Variants in CFAP97D1 observed in about 807,000 individuals in gnomAD.
The protein encoded by CFAP97D1 is sperm axonemal maintenance protein CFAP97D1.
Under a neutral mutation model 20.5 loss-of-function variants are expected in CFAP97D1, and 15 were observed. The ratio of observed to expected loss-of-function variants is 0.73; its 90% CI spans 0.49 to 1.13. The LOEUF is 1.13. CFAP97D1 is among the 50% of genes most tolerant of loss of function. CFAP97D1 has a pLI of 0.00. For missense variants in CFAP97D1, 168 were observed against 202.9 expected, an observed-to-expected ratio of 0.83 and a Z score of 1.04; for synonymous variants, 58 against 71.2, an observed-to-expected ratio of 0.82 and a Z score of 0.93.
At chr17:43,780,630 G>A in intron 1 of CFAP97D1, 44 bp downstream of exon 1, 1 of 1,549,670 alleles carries the variant, frequency 6.5e-7, no homozygotes. Context: ...AGGGATTTTG[G>A]AATGGTACCC....
chr17:43,783,285 A>G lies in CFAP97D1; in HGVS notation c.420A>G (p.Ala140=). Residue 140 remains alanine, a synonymous_variant, in exon 4 of 6, where the codon GCA becomes GCG. Coordinates refer to ENST00000449302, the MANE Select transcript of CFAP97D1 (RefSeq NM_001136483.3). Reference sequence around the variant, plus strand: ...GCAAACCCCACTATGACCGCAGGGCATCTGAGATAGACTGGCAGGCACGTG... The same window carrying G: ...GCAAACCCCACTATGACCGCAGGGCGTCTGAGATAGACTGGCAGGCACGTG... ...VDRKPHYDRR[A]SEIDWQNSRR... is the part of the protein sequence containing the mutation. The G allele has an allele frequency of 1.3e-6, 2 of 1,551,374 alleles. No individual in the cohort carries two copies. The highest frequency in any genetic ancestry group is 2.4e-5 in the East Asian group (1 of 40,916).
rs548298388 is a variant in CFAP97D1 at position 43,785,732 on chromosome 17, G to C, written c.*1350G>C. The C allele has an allele frequency of 2.0e-5, 3 of 152,412 alleles. No individual in the cohort carries two copies. The highest frequency in any genetic ancestry group is 4.4e-5 in the Non-Finnish European group (3 of 68,138). The allele number at this position is 152,412 out of a possible 1,614,324, so 9.4% of individuals were successfully genotyped here. ...GCCACCATGTCCGGCCTATAGGAAA[G>C]GGTAGTAATTTTTGGGTCCTTGGGT... On this transcript the variant is annotated 3_prime_UTR_variant, in exon 6 of 6. Coordinates refer to ENST00000449302, the MANE Select transcript of CFAP97D1 (RefSeq NM_001136483.3).
rs1223076897 is a variant in CFAP97D1 at position 43,786,558 on chromosome 17, C to G, written c.*2176C>G. On this transcript the variant is annotated 3_prime_UTR_variant, in exon 6 of 6. Transcript: ENST00000449302. ...GCAGGTTTCATCAGTTATACATGCA[C>G]TCATTTTTGTACATATATGTATAGC... The G allele has an allele frequency of 2.0e-5, 3 of 152,182 alleles. No homozygotes were observed. The East Asian group carries it at 5.8e-4, about 29-fold the overall frequency. The allele number at this position is 152,182 out of a possible 1,614,324, so 9.4% of individuals were successfully genotyped here. A position where few individuals can be genotyped will look rare whatever the true frequency, so the allele number is the denominator to read the frequency against.
At chr17:43,781,989 A>G in intron 3 of CFAP97D1, 97 bp downstream of exon 3, 1 of 799,774 alleles carries the variant, frequency 1.3e-6, no homozygotes, top group Non-Finnish European at 2.1e-6. Flanking sequence ...GAAGTACTTA[A>G]GGGAAGTTAT....
rs1340579025 is a variant in CFAP97D1 at position 43,780,586 on chromosome 17, G to A, written c.124G>A (p.Ala42Thr). 92 of 1,551,656 alleles carry A rather than the reference G, an allele frequency of 5.9e-5. No individual in the cohort carries two copies. The highest frequency in any genetic ancestry group is 7.8e-5 in the Non-Finnish European group (90 of 1,146,976). The change falls in exon 1 of 6, where the codon GCG becomes ACG. Residue 42 changes from alanine to threonine, a missense_variant and splice_region_variant. Ala to Thr is a moderately conservative substitution (Grantham distance 58). Transcript: ENST00000449302. ...ATCTCACAAGAATAGAATACAAATAGGTATGTGGGCAGTTTGGGCTGGACA... is the reference window on the plus strand; with the variant it reads ...ATCTCACAAGAATAGAATACAAATAAGTATGTGGGCAGTTTGGGCTGGACA... ...YVSHKNRIQI[A>T]KPTVDTKPPV... is the part of the protein sequence containing the mutation.
intron 2 of CFAP97D1, among the ~76,000 whole-genome samples, 171 bp downstream of exon 2, chr17:43,781,360 G>A (rs557297041): frequency 2.0e-5 from 3 of 150,872 alleles, no homozygotes; most frequent in South Asian, 2.1e-4. Flanking sequence ...CCCCTGATAC[G>A]GAGTCTCGCT....
rs1036890432 is a variant in CFAP97D1, at chr17:43,787,332, A to C, written c.*2950A>C. ...TATAGGAATAAGTCCTTTGCCTGCTATGCGCCTTGCATGTATTTTTCTCCC... is the reference window on the plus strand; with the variant it reads ...TATAGGAATAAGTCCTTTGCCTGCTCTGCGCCTTGCATGTATTTTTCTCCC... On this transcript the variant is annotated 3_prime_UTR_variant, in exon 6 of 6. Coordinates refer to ENST00000449302, the MANE Select transcript of CFAP97D1 (RefSeq NM_001136483.3). The C allele has an allele frequency of 2.6e-5, 4 of 152,192 alleles. No homozygotes were observed. The highest frequency in any genetic ancestry group is 1.9e-4 in the East Asian group (1 of 5,198). 9.4% of individuals were successfully genotyped at this position (152,192 alleles called of 1,614,324 possible). A position where few individuals can be genotyped will look rare whatever the true frequency, so the allele number is the denominator to read the frequency against.
At position 43,783,862 on chromosome 17, in the gene CFAP97D1, C is replaced by A. The variant is rs775679508; in HGVS notation, c.464C>A (p.Thr155Asn). The A allele has an allele frequency of 7.7e-6, 12 of 1,550,228 alleles. No homozygotes were observed. The highest frequency in any genetic ancestry group is 1.7e-4 in the Middle Eastern group (1 of 6,014). The part of the protein sequence containing the change: ...WQNSRRYIRN[T>N]TRYLLSQNE ...AATTCAAGGCGCTATATCAGAAATACCACGAGATATCTTCTCTCCCAAAAT... is the reference window on the plus strand; with the variant it reads ...AATTCAAGGCGCTATATCAGAAATAACACGAGATATCTTCTCTCCCAAAAT... Residue 155 changes from threonine (T) to asparagine (N), a missense_variant, in exon 5 of 6, where the codon ACC becomes AAC. Transcript: ENST00000449302.
rs574744102 is a variant in CFAP97D1, at chr17:43,781,568, GC to G, written c.196-204del. ...GATGGTCTTAGTCTCATTACCTCCCGCCTGCCTCGGCCTCCCAAAGTGCTGG... is the reference window on the plus strand; with the variant it reads ...GATGGTCTTAGTCTCATTACCTCCCGCTGCCTCGGCCTCCCAAAGTGCTGG... On this transcript the variant is annotated intron_variant, in intron 2 of 5. Coordinates refer to ENST00000449302, the MANE Select transcript of CFAP97D1 (RefSeq NM_001136483.3). Among the ~76,000 whole-genome samples the G allele has an allele frequency of 4.7e-3, 711 of 152,156 alleles. 4 individuals are homozygous for G. Among genetic ancestry groups the G allele is most frequent in the African/African-American group, 0.015 (636 of 41,512 alleles).
At chr17:43,781,717 G>T in intron 2 of CFAP97D1, 57 bp from the exon 3 acceptor site, 1 of 1,087,890 alleles carries the variant, frequency 9.2e-7, no homozygotes, top group Middle Eastern at 2.0e-4. Context: ...CTAAGTCATT[G>T]TGTGTTGGGG....
In CFAP97D1 at chr17:43,787,129, G is replaced by C. The variant is rs1449491063; in HGVS notation, c.*2747G>C. ...TTACAAGCATGCATCACCAGGCCCG[G>C]CTAATTTTTATATTTTTAGTAGAGA... On this transcript the variant is annotated 3_prime_UTR_variant, in exon 6 of 6. Coordinates refer to ENST00000449302, the MANE Select transcript of CFAP97D1 (RefSeq NM_001136483.3). 2.6e-5 allele frequency: 4 copies of C among 152,020 alleles called. No individual in the cohort carries two copies. Among genetic ancestry groups the C allele is most frequent in the Non-Finnish European group, 5.9e-5 (4 of 68,014 alleles). The allele number at this position is 152,020 out of a possible 1,614,324, so 9.4% of individuals were successfully genotyped here.
chr17:43,781,311 C>A, intron 2 of CFAP97D1, 122 bp downstream of exon 2: 1 of 790,044 alleles, frequency 1.3e-6, no homozygotes, highest in South Asian at 1.6e-5. Context: ...TTTGTTAATA[C>A]TCCTCCTCCC....
Position 43,785,295 on chromosome 17 carries a change from C to T in CFAP97D1, c.*913C>T, listed in dbSNP as rs12601060. ...TTTTATTGAAGCAGCAGTGTTACAG[C>T]TCCATGACTGCTCCTGCAGTACAGG... On this transcript the variant is annotated 3_prime_UTR_variant, in exon 6 of 6. Transcript: ENST00000449302. The T allele has an allele frequency of 0.1, 15,534 of 152,242 alleles. 994 individuals carry two copies. The highest frequency in any genetic ancestry group is 0.17 in the African/African-American group (7,056 of 41,508). 9.4% of individuals were successfully genotyped at this position (152,242 alleles called of 1,614,324 possible).
chr17:43,782,945 A>G (rs1197922057), intron 3 of CFAP97D1: 2 of 529,336 alleles, frequency 3.8e-6, no homozygotes, highest in Non-Finnish European at 3.4e-6. Flanking sequence ...ATGAAGTAGA[A>G]TCTTCTCATG....
At chr17:43,781,094 G>C (rs1974468055) in intron 1 of CFAP97D1, 25 bp from the exon 2 acceptor site, 4 of 1,528,612 alleles carry the variant, frequency 2.6e-6, no homozygotes, top group Non-Finnish European at 3.6e-6. Context: ...ATGTAACATT[G>C]TTCCCTTTTA....
rs905252002 is a variant in CFAP97D1, at chr17:43,786,817, C to G, written c.*2435C>G. Reference sequence around the variant, plus strand: ...CCTTTTGAGATTGGCTTTTTTCACTCAGGATAATTTCCTTGATGTTCATCC... The same window carrying G: ...CCTTTTGAGATTGGCTTTTTTCACTGAGGATAATTTCCTTGATGTTCATCC... On this transcript the variant is annotated 3_prime_UTR_variant, in exon 6 of 6. Coordinates refer to ENST00000449302, the MANE Select transcript of CFAP97D1 (RefSeq NM_001136483.3). 1 of 152,156 alleles carries G rather than the reference C, an allele frequency of 6.6e-6. No individual in the cohort carries two copies. The highest frequency in any genetic ancestry group is 2.4e-5 in the African/African-American group (1 of 41,436). 9.4% of individuals were successfully genotyped at this position (152,156 alleles called of 1,614,324 possible). A position where few individuals can be genotyped will look rare whatever the true frequency, so the allele number is the denominator to read the frequency against.
At chr17:43,781,942 C>T in intron 3 of CFAP97D1, 50 bp downstream of exon 3, 2 of 1,295,846 alleles carry the variant, frequency 1.5e-6, no homozygotes, top group Non-Finnish European at 2.2e-6. Context: ...AATTGACTTT[C>T]CTCTTGGGTT....
chr17:43,783,278 G>A lies in CFAP97D1; in HGVS notation c.413G>A (p.Arg138His), dbSNP rs767226292. Residue 138 changes from arginine (R) to histidine (H), a missense_variant, in exon 4 of 6, where the codon CGC becomes CAC. Transcript: ENST00000449302. ...GTTGATCGCAAACCCCACTATGACC[G>A]CAGGGCATCTGAGATAGACTGGCAG... ...RLVDRKPHYDRRASEIDWQNS... is the reference protein window; with the variant it reads ...RLVDRKPHYDHRASEIDWQNS... 22 of 1,551,186 alleles carry A rather than the reference G, an allele frequency of 1.4e-5. 1 individual carries two copies. Among genetic ancestry groups the A allele is most frequent in the Middle Eastern group, 1.7e-4 (1 of 6,010 alleles).
chr17:43,783,194 C>T lies in CFAP97D1; in HGVS notation c.329C>T (p.Thr110Ile), dbSNP rs1242891147. ...EYFSKSLNRE[T>I]RNRELVRITM... Reference sequence around the variant, plus strand: ...GTGTTTTTCAGCTTAAACAGAGAAACAAGGAACCGCGAGCTAGTGAGAATC... The same window carrying T: ...GTGTTTTTCAGCTTAAACAGAGAAATAAGGAACCGCGAGCTAGTGAGAATC... The change falls in exon 4 of 6, where the codon ACA becomes ATA. Residue 110 changes from threonine (T) to isoleucine (I), a missense_variant. Thr to Ile is a moderately conservative substitution (Grantham distance 89, BLOSUM62 -1). Coordinates refer to ENST00000449302, the MANE Select transcript of CFAP97D1 (RefSeq NM_001136483.3). 11 of 1,551,408 alleles carry T rather than the reference C, an allele frequency of 7.1e-6. No homozygotes were observed. The highest frequency in any genetic ancestry group is 9.6e-6 in the Non-Finnish European group (11 of 1,146,922).
Sources: gnomAD v4.1 joint callset for allele counts (sites outside exome capture counted in the v4.1 genomes callset) on GRCh38, gnomAD v4.1.1 for gene constraint, MANE v1.5 for transcripts, NCBI Gene and HGNC (gene_info 2026-07-23, HGNC 2026-07-21) for gene names.